The following PLK4 variants were observed in gnomAD, a reference collection of about 807,000 sequenced individuals.
PLK4 encodes polo like kinase 4.
PLK4 carries 51 observed loss-of-function variants against 103.0 expected under a neutral mutation model. That is an observed-to-expected ratio of 0.50 (90% CI 0.40 to 0.63). The LOEUF (loss-of-function observed/expected upper bound fraction) is 0.63. PLK4 is among the 20% of genes least tolerant of loss of function. The pLI, the probability that PLK4 is intolerant of heterozygous loss-of-function variation, is 0.00. For synonymous variants in PLK4, 389 were observed against 376.8 expected, an observed-to-expected ratio of 1.03 and a Z score of -0.38; for missense variants, 1,054 against 1,151.0, an observed-to-expected ratio of 0.92 and a Z score of 1.22.
Position 127,886,081 on chromosome 4 carries a change from G to C in PLK4, c.711G>C (p.Glu237Asp). ...DYEMPSFLSI[E>D]AKDLIHQLLR... is the part of the protein sequence containing the mutation. ...AAATGCCATCTTTTTTGTCAATAGA[G>C]GCCAAGGACCTTATTCACCAGTTAC... The change falls in exon 5 of 16, where the codon GAG becomes GAC. Residue 237 changes from glutamate to aspartate, a missense_variant. Coordinates refer to ENST00000270861, the MANE Select transcript of PLK4 (RefSeq NM_014264.5). 1 of 1,614,102 alleles carries C rather than the reference G, an allele frequency of 6.2e-7. No individual in the cohort carries two copies. Among genetic ancestry groups the C allele is most frequent in the Non-Finnish European group, 8.5e-7 (1 of 1,179,978 alleles).
rs70966059 is a variant in PLK4, at chr4:127,895,452, C to CTTTTTTTT, written c.2703+380_2703+387dup. On this transcript the variant is annotated intron_variant, in intron 14 of 15. Transcript: ENST00000270861. Reference sequence around the variant, plus strand: ...TAATCAATATTAGTAGAGTAACTTTCTTTTTTTTTTTTTTTTTTTTTTTTT... The same window carrying CTTTTTTTT: ...TAATCAATATTAGTAGAGTAACTTTCTTTTTTTTTTTTTTTTTTTTTTTTTTTTTTTTT... Among the ~76,000 whole-genome samples, 188 of 65,198 alleles carry CTTTTTTTT rather than the reference C, an allele frequency of 2.9e-3. 31 individuals are homozygous for CTTTTTTTT. The highest frequency in any genetic ancestry group is 0.011 in the African/African-American group (164 of 15,080). 42.8% of individuals were successfully genotyped at this position (65,198 alleles called of 152,430 possible). A position where few individuals can be genotyped will look rare whatever the true frequency, so the allele number is the denominator to read the frequency against.
chr4:127,889,936 G>A lies in PLK4; in HGVS notation c.1530G>A (p.Leu510=). The change falls in exon 7 of 16, where the codon TTG becomes TTA. Residue 510 remains leucine (L), a synonymous_variant. Transcript: ENST00000270861. ...PNRDFQGHPD[L]QKDTSKNAWT... ...GGGACTTCCAGGGCCATCCAGATTT[G>A]CAGAAGGACACATCAAAAAATGCCT... 2.5e-6 allele frequency: 4 copies of A among 1,613,868 alleles called. No homozygotes were observed. The highest frequency in any genetic ancestry group is 3.4e-6 in the Non-Finnish European group (4 of 1,179,844).
chr4:127,896,608 A>G lies in PLK4; in HGVS notation c.2704-193A>G, dbSNP rs76008808. ...ATCTGAAAAAGACATGAATATTCTCAGTGCTCTGCCATCGTAGCCCCAAAT... is the reference window on the plus strand; with the variant it reads ...ATCTGAAAAAGACATGAATATTCTCGGTGCTCTGCCATCGTAGCCCCAAAT... On this transcript the variant is annotated intron_variant, in intron 14 of 15. Coordinates refer to ENST00000270861, the MANE Select transcript of PLK4 (RefSeq NM_014264.5). 5.1e-3 allele frequency among the ~76,000 whole-genome samples: 776 copies of G among 152,264 alleles called. 7 individuals carry two copies. The highest frequency in any genetic ancestry group is 0.018 in the African/African-American group (748 of 41,530).
At chr4:127,883,201 A>G (rs1228222227) in intron 2 of PLK4, 61 bp from the exon 3 acceptor site, 12 of 830,208 alleles carry the variant, frequency 1.4e-5, no homozygotes, top group Admixed American at 2.4e-5. Context: ...TTATTTTCAA[A>G]GTTCACTTTT....
intron 8 of PLK4, 65 bp downstream of exon 8, chr4:127,891,261 A>G (rs920745314): frequency 6.2e-6 from 5 of 805,760 alleles, no homozygotes; most frequent in African/African-American, 5.2e-5. Context: ...TTAGCATTCT[A>G]ATTCATTTTA....
At chr4:127,887,587 T>TC (rs1191417223) in intron 6 of PLK4, 91 bp downstream of exon 6, 1 of 802,774 alleles carries the variant, frequency 1.2e-6, no homozygotes, top group African/African-American at 1.7e-5. Context: ...TTAAAGAAAA[T>TC]CATTTTCTTG....
chr4:127,886,428 G>T lies in PLK4; in HGVS notation c.1058G>T (p.Ser353Ile), dbSNP rs763070391. The T allele has an allele frequency of 1.9e-6, 3 of 1,614,110 alleles. No homozygotes were observed. The East Asian group carries it at 6.7e-5, about 36-fold the overall frequency. ...FYTQWGNQET[S>I]NSGRGRVIQD... ...ACTCAGTGGGGAAATCAAGAAACCAGTAATAGTGGAAGGGGAAGAGTAATT... is the reference window on the plus strand; with the variant it reads ...ACTCAGTGGGGAAATCAAGAAACCATTAATAGTGGAAGGGGAAGAGTAATT... The change falls in exon 5 of 16, where the codon AGT (serine) becomes ATT (isoleucine). Residue 353 changes from serine to isoleucine, a missense_variant. This residue lies in a region of PLK4 where 680 missense variants were observed against 660.3 expected (regional missense o/e 1.03). Transcript: ENST00000270861.
At chr4:127,897,824 C>CCTT (rs1735626147) in intron 15 of PLK4, among the ~76,000 whole-genome samples, 1 of 28,802 alleles carries the variant, frequency 3.5e-5, no homozygotes, top group African/African-American at 1.8e-4. Flanking sequence ...AGAATTAGGG[C>CCTT]TTTTTTTTTT....
In PLK4 at chr4:127,893,761, G is replaced by T. The variant is rs762411373; in HGVS notation, c.2442G>T (p.Lys814Asn). 4.3e-6 allele frequency: 7 copies of T among 1,611,796 alleles called. 1 individual carries two copies. The South Asian group carries it at 7.7e-5, about 18-fold the overall frequency. Residue 814 changes from lysine to asparagine, a missense_variant, in exon 13 of 16, where the codon AAG becomes AAT. By Grantham distance (94) the Lys-to-Asn change is moderately conservative. Coordinates refer to ENST00000270861, the MANE Select transcript of PLK4 (RefSeq NM_014264.5). ...AACCTGGTAGTACTAGTTCACCTAA[G>T]GCCTTATCACCTCCTCCTTCTGTGG... ...GRKPGSTSSP[K>N]ALSPPPSVDS...
chr4:127,883,414 T>C, intron 3 of PLK4, 25 bp from the exon 4 acceptor site: 2 of 1,399,228 alleles, frequency 1.4e-6, no homozygotes, highest in Non-Finnish European at 2.0e-6. Flanking sequence ...TATATTTTAA[T>C]TTATTATGCC....
chr4:127,898,439 G>A lies in PLK4; in HGVS notation c.2811G>A (p.Arg937=). ...TCTTTTTTTCTTTTGCTTCACTTAGGTATGGAGAAAATGAAAAATTACCAG... is the reference window on the plus strand; with the variant it reads ...TCTTTTTTTCTTTTGCTTCACTTAGATATGGAGAAAATGAAAAATTACCAG... ...SYTSPNGQTT[R]YGENEKLPDY... Residue 937 remains arginine (R), a splice_region_variant and synonymous_variant, in exon 16 of 16, where the codon AGG becomes AGA. Transcript: ENST00000270861. 1 of 1,391,478 alleles carries A rather than the reference G, an allele frequency of 7.2e-7. No homozygotes were observed. Among genetic ancestry groups the A allele is most frequent in the South Asian group, 1.2e-5 (1 of 83,416 alleles). The allele number at this position is 1,391,478 out of a possible 1,614,324, so 86.2% of individuals were successfully genotyped here. A position where few individuals can be genotyped will look rare whatever the true frequency, so the allele number is the denominator to read the frequency against.
At chr4:127,897,498 G>A (rs1347952290) in intron 15 of PLK4, among the ~76,000 whole-genome samples, 1 of 152,178 alleles carries the variant, frequency 6.6e-6, no homozygotes, top group Non-Finnish European at 1.5e-5. Flanking sequence ...GCCAATGCAG[G>A]CGTTCTCTTT....
At position 127,890,079 on chromosome 4, in the gene PLK4, A is replaced by G. The variant is rs780814026; in HGVS notation, c.1673A>G (p.Gln558Arg). The G allele has an allele frequency of 5.0e-6, 8 of 1,614,052 alleles. No homozygotes were observed. Among genetic ancestry groups the G allele is most frequent in the Middle Eastern group, 1.6e-4 (1 of 6,062 alleles). Residue 558 changes from glutamine (Q) to arginine (R), a missense_variant, in exon 7 of 16, where the codon CAA becomes CGA. By Grantham distance (43) the Gln-to-Arg change is conservative. Around this residue, in one of 4 missense-constraint regions of PLK4, gnomAD observed 680 missense variants for 660.3 expected, o/e 1.03. Transcript: ENST00000270861. The part of the protein sequence containing the change: ...ALHSKPEIIQ[Q>R]ECVFGSDPLS... ...CACAGTAAACCTGAGATAATCCAAC[A>G]AGAATGTGTTTTTGGCTCAGATCCT...
At position 127,888,089 on chromosome 4, in the gene PLK4, A is replaced by G. The variant is rs2148819300; in HGVS notation, c.1459+593A>G. ...CACCTACTCGGATGGCTGAGGCACA[A>G]GAATCGCTTGAACCAGGGAGACAGA... On this transcript the variant is annotated intron_variant, in intron 6 of 15. Transcript: ENST00000270861. Among the ~76,000 whole-genome samples the G allele has an allele frequency of 2.8e-5, 4 of 144,838 alleles. No individual in the cohort carries two copies. In the South Asian group the frequency reaches 9.2e-4, roughly 33 times the overall value.
At chr4:127,892,327 C>G in intron 9 of PLK4, 38 bp from the exon 10 acceptor site, 1 of 1,360,212 alleles carries the variant, frequency 7.4e-7, no homozygotes, top group East Asian at 2.4e-5. Flanking sequence ...GTCAGGTCAA[C>G]ACTTTCTTCC....
intron 15 of PLK4, 57 bp downstream of exon 15, chr4:127,896,964 T>G (rs779960177): frequency 2.8e-5 from 25 of 877,670 alleles, no homozygotes; most frequent in Non-Finnish European, 4.2e-5. Context: ...TCTCTTTCTC[T>G]ATATGTTGAA....
At chr4:127,881,414 T>G (rs1332838652) in intron 1 of PLK4, 2 of 1,406,084 alleles carry the variant, frequency 1.4e-6, no homozygotes, top group Middle Eastern at 2.7e-4. Context: ...CACTGCGGCT[T>G]TCTTTCAGCA....
chr4:127,889,404 T>C (rs1735265178), intron 6 of PLK4, among the ~76,000 whole-genome samples: 1 of 152,202 alleles, frequency 6.6e-6, no homozygotes, highest in Admixed American at 6.5e-5. Flanking sequence ...TGCTTTTAGT[T>C]GCATATTTTC....
At chr4:127,887,566 A>G (rs930151077) in intron 6 of PLK4, 70 bp downstream of exon 6, 3 of 893,960 alleles carry the variant, frequency 3.4e-6, no homozygotes, top group Non-Finnish European at 5.4e-6. Context: ...GCAGTGTTCT[A>G]TTTGAGATTT....
Sources: gnomAD v4.1 joint callset for allele counts (sites outside exome capture counted in the v4.1 genomes callset) on GRCh38, gnomAD v4.1.1 for gene constraint, gnomAD v4.1.1 regional missense constraint, MANE v1.5 for transcripts, NCBI Gene and HGNC (gene_info 2026-07-23, HGNC 2026-07-21) for gene names.